The following ZNRF1 variants were observed in gnomAD, a reference collection of about 807,000 sequenced individuals.
ZNRF1 encodes the protein E3 ubiquitin-protein ligase ZNRF1.
In ZNRF1, 3 loss-of-function variants were observed where a neutral mutation model predicts 18.4. The observed-to-expected ratio is 0.16, with a 90% CI of 0.07 to 0.42. The LOEUF is 0.42. Among genes scored for constraint, ZNRF1 ranks in the 10% least tolerant of loss-of-function variants. ZNRF1 has a pLI of 0.99. For missense variants in ZNRF1, 310 were observed against 329.8 expected, an observed-to-expected ratio of 0.94 and a Z score of 0.47; for synonymous variants, 157 against 144.2, an observed-to-expected ratio of 1.09 and a Z score of -0.64.
At chr16:75,088,916 G>A (rs937213277) in intron 1 of ZNRF1, among the ~76,000 whole-genome samples, 1 of 152,188 alleles carries the variant, frequency 6.6e-6, no homozygotes, top group East Asian at 1.9e-4. Flanking sequence ...GAAAGTGCCA[G>A]TCGTAGTGCA....
chr16:75,085,013 A>G (rs558102181), intron 1 of ZNRF1, among the ~76,000 whole-genome samples: 48 of 152,272 alleles, frequency 3.2e-4, no homozygotes, highest in Non-Finnish European at 5.3e-4. Context: ...CTGCAGTTCC[A>G]TATTTGTTTA....
intron 1 of ZNRF1, among the ~76,000 whole-genome samples, chr16:75,068,696 T>A (rs1339674586): frequency 1.3e-5 from 2 of 151,932 alleles, no homozygotes; most frequent in African/African-American, 4.8e-5. Context: ...GGGCTGGCCC[T>A]GGGGTCTAGC....
At chr16:75,054,360 G>A (rs1256491643) in intron 1 of ZNRF1, among the ~76,000 whole-genome samples, 1 of 152,228 alleles carries the variant, frequency 6.6e-6, no homozygotes, top group Non-Finnish European at 1.5e-5. Flanking sequence ...TGGCCCTGCT[G>A]GGAGAAGCTG....
intron 1 of ZNRF1, among the ~76,000 whole-genome samples, chr16:75,007,610 C>T (rs747168935): frequency 2.0e-5 from 3 of 152,112 alleles, no homozygotes; most frequent in South Asian, 4.1e-4. Context: ...GTGAATGGTT[C>T]AGAAGGGTTC....
chr16:75,049,788 G>A (rs1002251229), intron 1 of ZNRF1, among the ~76,000 whole-genome samples: 9 of 151,978 alleles, frequency 5.9e-5, no homozygotes, highest in African/African-American at 1.7e-4. Context: ...TGGCATGGGT[G>A]CTGTTAGTAC....
At chr16:75,029,745 G>A (rs1440546943) in intron 1 of ZNRF1, among the ~76,000 whole-genome samples, 1 of 151,604 alleles carries the variant, frequency 6.6e-6, no homozygotes, top group Non-Finnish European at 1.5e-5. Context: ...CTCTAGCCTG[G>A]GTAACAGAGC....
At chr16:75,042,315 G>C (rs2035458614) in intron 1 of ZNRF1, among the ~76,000 whole-genome samples, 1 of 152,034 alleles carries the variant, frequency 6.6e-6, no homozygotes, top group Non-Finnish European at 1.5e-5. Context: ...AAAGTGTCTA[G>C]ACCAAGGTTA....
intron 3 of ZNRF1, 66 bp downstream of exon 3, chr16:75,104,955 G>A: frequency 7.5e-7 from 1 of 1,338,528 alleles, no homozygotes; most frequent in Non-Finnish European, 1.0e-6. Context: ...CCCATCTCCA[G>A]CCATTCTGTC....
At chr16:75,022,575 A>AG (rs2035167253) in intron 1 of ZNRF1, among the ~76,000 whole-genome samples, 1 of 152,070 alleles carries the variant, frequency 6.6e-6, no homozygotes, top group Admixed American at 6.5e-5. Flanking sequence ...CAAAAAAAAA[A>AG]CAAAACAAAA....
intron 1 of ZNRF1, among the ~76,000 whole-genome samples, chr16:75,091,532 CTTT>C (rs577306133): frequency 5.4e-5 from 7 of 129,100 alleles, no homozygotes; most frequent in Non-Finnish European, 8.1e-5. Context: ...CTGCATATAA[CTTT>C]TTTTTTTTTT....
intron 2 of ZNRF1, among the ~76,000 whole-genome samples, chr16:75,094,023 T>C (rs973540673): frequency 1.3e-5 from 2 of 152,204 alleles, no homozygotes; most frequent in African/African-American, 4.8e-5. Context: ...GACAGCCAGG[T>C]GTCCTCCACG....
chr16:75,023,774 A>C (rs1211089629), intron 1 of ZNRF1, among the ~76,000 whole-genome samples: 3 of 151,562 alleles, frequency 2.0e-5, no homozygotes, highest in Admixed American at 2.0e-4. Flanking sequence ...CTGACCCCCA[A>C]CCTTTTTCTT....
At chr16:75,060,918 G>A (rs1597887658) in intron 1 of ZNRF1, among the ~76,000 whole-genome samples, 1 of 152,162 alleles carries the variant, frequency 6.6e-6, no homozygotes, top group East Asian at 1.9e-4. Context: ...AATAGGGAAG[G>A]AAGTTCTCAA....
intron 1 of ZNRF1, among the ~76,000 whole-genome samples, chr16:75,025,445 C>T (rs1477040110): frequency 3.9e-5 from 6 of 152,168 alleles, no homozygotes; most frequent in Non-Finnish European, 8.8e-5. Flanking sequence ...CAGCACACTT[C>T]TCCCTGACTA....
At chr16:75,027,074 C>T (rs1201756067) in intron 1 of ZNRF1, among the ~76,000 whole-genome samples, 2 of 151,962 alleles carry the variant, frequency 1.3e-5, no homozygotes, top group African/African-American at 2.4e-5. Context: ...CAAGACCCAG[C>T]GGTTAGGGAA....
intron 1 of ZNRF1, among the ~76,000 whole-genome samples, chr16:75,045,248 A>C (rs2035500577): frequency 6.6e-6 from 1 of 152,216 alleles, no homozygotes; most frequent in Admixed American, 6.5e-5. Context: ...CCAGGGCTCA[A>C]GAAAAACCTA....
At position 75,031,908 on chromosome 16, in the gene ZNRF1, G is replaced by A. The variant is rs370922429; in HGVS notation, c.424+31813G>A. Among the ~76,000 whole-genome samples the A allele has an allele frequency of 9.2e-5, 14 of 152,106 alleles. 2 individuals are homozygous for A. Among genetic ancestry groups the A allele is most frequent in the East Asian group, 7.7e-4 (4 of 5,178 alleles). ...GGTAACTTTAATTGAATCTTTTTGAGGAATTGCCAGACTGTTTTCCAAAGG... is the reference window on the plus strand; with the variant it reads ...GGTAACTTTAATTGAATCTTTTTGAAGAATTGCCAGACTGTTTTCCAAAGG... On this transcript the variant is annotated intron_variant, in intron 1 of 4. Coordinates refer to ENST00000335325, the MANE Select transcript of ZNRF1 (RefSeq NM_032268.5).
At chr16:75,060,051 A>G (rs1327816887) in intron 1 of ZNRF1, among the ~76,000 whole-genome samples, 2 of 151,388 alleles carry the variant, frequency 1.3e-5, no homozygotes, top group Admixed American at 6.6e-5. Flanking sequence ...GTGAAGTGAC[A>G]GTTTTCTTTT....
At chr16:75,086,812 C>G (rs1011671375) in intron 1 of ZNRF1, among the ~76,000 whole-genome samples, 8 of 152,212 alleles carry the variant, frequency 5.3e-5, no homozygotes, top group Non-Finnish European at 1.0e-4. Flanking sequence ...ATCTACCCCT[C>G]TGCCCCAGGA....
Sources: gnomAD v4.1 joint callset for allele counts (sites outside exome capture counted in the v4.1 genomes callset) on GRCh38, gnomAD v4.1.1 for gene constraint, MANE v1.5 for transcripts, NCBI Gene and HGNC (gene_info 2026-07-23, HGNC 2026-07-21) for gene names.